The following KMT2C variants were observed in gnomAD, a reference collection of about 807,000 sequenced individuals.
KMT2C encodes lysine methyltransferase 2C, also known as histone-lysine N-methyltransferase 2C.
KMT2C carries 88 observed loss-of-function variants against 507.9 expected under a neutral mutation model. That is an observed-to-expected ratio of 0.17 (90% confidence interval 0.15 to 0.21). KMT2C has a LOEUF of 0.21. KMT2C is among the 10% of genes least tolerant of loss of function. The pLI is 1.00. For synonymous variants in KMT2C, 2,049 were observed against 2,080.8 expected (o/e 0.98, Z 0.42); for missense variants, 4,954 against 5,957.8 (o/e 0.83, Z 5.55).
chr7:152,311,995 G>C (rs2129200673), intron 4 of KMT2C, 49 bp from the exon 5 acceptor site: 1 of 1,469,822 alleles, frequency 6.8e-7, no homozygotes, highest in Non-Finnish European at 9.3e-7. Context: ...GCAGAAAATT[G>C]TTTCATTTTT....
At chr7:152,397,409 A>G (rs1286662667) in intron 1 of KMT2C, among the ~76,000 whole-genome samples, 1 of 152,078 alleles carries the variant, frequency 6.6e-6, no homozygotes, top group Admixed American at 6.6e-5. Context: ...TCACAGCCTT[A>G]TGGGTGCCCT....
At chr7:152,262,270 C>T (rs977628619) in intron 9 of KMT2C, among the ~76,000 whole-genome samples, 3 of 152,176 alleles carry the variant, frequency 2.0e-5, no homozygotes, top group Admixed American at 1.3e-4. Flanking sequence ...CTCCCGCACA[C>T]GGGCCATCAT....
chr7:152,153,222 T>C (rs769735923), intron 48 of KMT2C, among the ~76,000 whole-genome samples: 27 of 152,234 alleles, frequency 1.8e-4, no homozygotes, highest in Admixed American at 1.3e-3. Flanking sequence ...ATTTTAGATA[T>C]TGTAACATCT....
chr7:152,348,805 C>T (rs890547692), intron 2 of KMT2C, among the ~76,000 whole-genome samples: 4 of 152,004 alleles, frequency 2.6e-5, no homozygotes, highest in Non-Finnish European at 2.9e-5. Context: ...ACACCAACAC[C>T]ACCAAATGTC....
chr7:152,207,779 T>C (rs377266218), intron 23 of KMT2C, among the ~76,000 whole-genome samples: 5 of 152,196 alleles, frequency 3.3e-5, no homozygotes, highest in African/African-American at 7.2e-5. Flanking sequence ...ACAGCTATAA[T>C]TGAATATTAC....
At chr7:152,142,204 G>A (rs375132480) in intron 55 of KMT2C, among the ~76,000 whole-genome samples, 7 of 152,184 alleles carry the variant, frequency 4.6e-5, no homozygotes, top group African/African-American at 1.7e-4. Context: ...AATTATGTAT[G>A]TTTGTTTATA....
intron 3 of KMT2C, among the ~76,000 whole-genome samples, chr7:152,321,107 G>A (rs1019313501): frequency 3.3e-5 from 5 of 151,888 alleles, no homozygotes; most frequent in African/African-American, 7.2e-5. Flanking sequence ...GGTGGCACAC[G>A]CCTGTAGTCC....
chr7:152,296,067 C>CAAAAAAA (rs34144566), intron 6 of KMT2C, among the ~76,000 whole-genome samples: 2 of 45,430 alleles, frequency 4.4e-5, no homozygotes, highest in Non-Finnish European at 8.4e-5. Flanking sequence ...GACTCCGTCT[C>CAAAAAAA]AAAAAAAAAA....
intron 55 of KMT2C, among the ~76,000 whole-genome samples, chr7:152,141,242 G>A (rs1337961355): frequency 1.3e-5 from 2 of 151,528 alleles, no homozygotes; most frequent in East Asian, 2.0e-4. Flanking sequence ...TCCAGAGGCT[G>A]AGGCATGAGA....
intron 50 of KMT2C, 24 bp downstream of exon 50, chr7:152,151,418 G>A (rs2091613788): frequency 6.2e-7 from 1 of 1,612,324 alleles, no homozygotes; most frequent in Non-Finnish European, 8.5e-7. Context: ...AGGAGGTGGG[G>A]TCATAAAAGG....
intron 9 of KMT2C, among the ~76,000 whole-genome samples, chr7:152,255,912 C>A (rs1012945525): frequency 1.3e-5 from 2 of 152,130 alleles, no homozygotes; most frequent in African/African-American, 4.8e-5. Flanking sequence ...CTCACAACTG[C>A]AATCCCAGCA....
At position 152,309,885 on chromosome 7, in the gene KMT2C, T is replaced by C. The variant is rs2096655292; in HGVS notation, c.849+81A>G. The C allele has an allele frequency of 7.8e-6, 7 of 902,160 alleles. 1 individual carries two copies. The highest frequency in any genetic ancestry group is 1.2e-5 in the Non-Finnish European group (7 of 562,586). 55.9% of individuals were successfully genotyped at this position (902,160 alleles called of 1,614,324 possible). ...GAGAGCTTTTACACTACAGCAATCA[T>C]TTAATAATCCTTTCAAGTGAACTTC... On this transcript the variant is annotated intron_variant, in intron 6 of 58. Coordinates refer to ENST00000262189, the MANE Select transcript of KMT2C (RefSeq NM_170606.3).
intron 9 of KMT2C, among the ~76,000 whole-genome samples, chr7:152,255,123 ATATATATATATATATATATATACATATAT>A (rs2095630978): frequency 8.9e-6 from 1 of 112,632 alleles, no homozygotes; most frequent in Non-Finnish European, 1.7e-5. Flanking sequence ...ATATATATAT[ATATATATATATATATATATATACATATAT>A]ATATATGTGT....
At chr7:152,251,231 G>A (rs775527529) in intron 11 of KMT2C, among the ~76,000 whole-genome samples, 2 of 152,190 alleles carry the variant, frequency 1.3e-5, no homozygotes, top group African/African-American at 2.4e-5. Flanking sequence ...AGGAACGCTT[G>A]AAGCCAGGAG....
rs1289446225 is a variant in KMT2C at position 152,163,679 on chromosome 7, T to C, written c.9898A>G (p.Ser3300Gly). Residue 3300 changes from serine (S) to glycine (G), a missense_variant, in exon 43 of 59, where the codon AGC (serine) becomes GGC (glycine). Transcript: ENST00000262189. ...GGCACCATGGGAAAGGTGGGTTGGC[T>C]CATGGTGGGTGGAGTGGCACCTGGA... ...LIPGATPPTM[S>G]QPTFPMVPQQ... 1.9e-6 allele frequency: 3 copies of C among 1,613,858 alleles called. No homozygotes were observed. In the African/African-American group the frequency reaches 4.0e-5, roughly 22 times the overall value.
At chr7:152,183,208 G>A in intron 34 of KMT2C, 52 bp from the exon 35 acceptor site, 16 of 1,352,044 alleles carry the variant, frequency 1.2e-5, no homozygotes, top group South Asian at 7.6e-5. Context: ...AATGTTTTAA[G>A]GAATAAAATA....
intron 23 of KMT2C, among the ~76,000 whole-genome samples, chr7:152,212,044 T>C (rs891459271): frequency 1.3e-5 from 2 of 150,758 alleles, no homozygotes; most frequent in African/African-American, 4.9e-5. Context: ...CAAGACTCCA[T>C]CGAAAGAAAC....
intron 1 of KMT2C, among the ~76,000 whole-genome samples, chr7:152,421,489 C>G (rs1400769307): frequency 1.3e-5 from 2 of 152,144 alleles, no homozygotes; most frequent in African/African-American, 4.8e-5. Flanking sequence ...TGGAATCAAC[C>G]TAACTGCCCA....
intron 6 of KMT2C, among the ~76,000 whole-genome samples, chr7:152,297,059 G>GACAGACAGAAAGAAAGAAAGAA (rs1563767704): frequency 4.7e-5 from 3 of 64,440 alleles, no homozygotes; most frequent in African/African-American, 1.7e-4. Flanking sequence ...GAAAGACAGA[G>GACAGACAGAAAGAAAGAAAGAA]AGAGAGAGAG....
Sources: gnomAD v4.1 joint callset for allele counts (sites outside exome capture counted in the v4.1 genomes callset) on GRCh38, gnomAD v4.1.1 for gene constraint, MANE v1.5 for transcripts, NCBI Gene and HGNC (gene_info 2026-07-23, HGNC 2026-07-21) for gene names.